Variants in SKAP1 observed in about 807,000 individuals in gnomAD.
SKAP1 encodes the protein src kinase associated phosphoprotein 1.
A neutral mutation model predicts 58.5 loss-of-function variants in SKAP1; 44 were observed. The observed-to-expected ratio is 0.75, with a 90% confidence interval of 0.59 to 0.97. The LOEUF is 0.97. SKAP1 is among the 50% of genes least tolerant of loss of function. The pLI is 0.00. For missense variants in SKAP1, 390 were observed against 435.2 expected (o/e 0.90, Z 0.92); for synonymous variants, 127 against 149.7 (o/e 0.85, Z 1.11).
At chr17:48,324,364 G>A (rs187086150) in intron 4 of SKAP1, among the ~76,000 whole-genome samples, 1 of 152,092 alleles carries the variant, frequency 6.6e-6, no homozygotes, top group East Asian at 1.9e-4. Context: ...AGACATTTAG[G>A]TTGTTTCTAA....
intron 11 of SKAP1, among the ~76,000 whole-genome samples, chr17:48,150,349 G>T (rs540989893): frequency 1.3e-5 from 2 of 152,284 alleles, no homozygotes; most frequent in Admixed American, 6.5e-5. Flanking sequence ...CAGAAAGAAT[G>T]AAAATAATAA....
chr17:48,158,580 A>AAAAAAAG (rs2064022630), intron 11 of SKAP1, among the ~76,000 whole-genome samples: 4 of 149,390 alleles, frequency 2.7e-5, no homozygotes, highest in African/African-American at 7.3e-5. Context: ...AAAAAAAAAA[A>AAAAAAAG]AAAAGAAAAA....
At chr17:48,253,124 C>T (rs1211313387) in intron 4 of SKAP1, among the ~76,000 whole-genome samples, 1 of 152,078 alleles carries the variant, frequency 6.6e-6, no homozygotes, top group Non-Finnish European at 1.5e-5. Context: ...GTGAGCCATC[C>T]TAGCTCTTAC....
chr17:48,291,243 TACTAAAGCCC>T (rs2065893584), intron 4 of SKAP1, among the ~76,000 whole-genome samples: 1 of 152,190 alleles, frequency 6.6e-6, no homozygotes, highest in South Asian at 2.1e-4. Context: ...AAATAGTAAT[TACTAAAGCCC>T]ACTTCACTGA....
intron 4 of SKAP1, among the ~76,000 whole-genome samples, chr17:48,296,660 G>C (rs751962984): frequency 6.6e-6 from 1 of 152,130 alleles, no homozygotes; most frequent in East Asian, 1.9e-4. Flanking sequence ...TGTGAGGAAA[G>C]ATTTACGTGA....
At chr17:48,302,639 C>T (rs2066075851) in intron 4 of SKAP1, among the ~76,000 whole-genome samples, 1 of 152,212 alleles carries the variant, frequency 6.6e-6, no homozygotes, top group Non-Finnish European at 1.5e-5. Context: ...TCAATACTAG[C>T]TTACTATAGT....
intron 2 of SKAP1, among the ~76,000 whole-genome samples, chr17:48,375,588 C>T (rs35403206): frequency 0.029 from 4,465 of 152,238 alleles, 240 homozygotes; most frequent in African/African-American, 0.1. Flanking sequence ...AGCATGAGGA[C>T]TGTTTTTTCA....
At chr17:48,417,151 T>C (rs1367890411) in intron 1 of SKAP1, among the ~76,000 whole-genome samples, 1 of 152,194 alleles carries the variant, frequency 6.6e-6, no homozygotes, top group African/African-American at 2.4e-5. Context: ...TTGCAGGAAG[T>C]TGTCAGCATT....
the SKAP1 span, among the ~76,000 whole-genome samples, chr17:48,442,426 G>A: frequency 6.6e-6 from 1 of 152,108 alleles, no homozygotes; most frequent in African/African-American, 2.4e-5. Context: ...CTGAGCCCTT[G>A]AAAATCAGGG....
At chr17:48,444,864 A>C in the SKAP1 span, among the ~76,000 whole-genome samples, 1 of 152,164 alleles carries the variant, frequency 6.6e-6, no homozygotes, top group Non-Finnish European at 1.5e-5. Flanking sequence ...TGGGACCCAT[A>C]ATCATGCATG....
chr17:48,381,095 C>T (rs925258322), intron 2 of SKAP1, among the ~76,000 whole-genome samples: 1 of 152,102 alleles, frequency 6.6e-6, no homozygotes, highest in African/African-American at 2.4e-5. Context: ...CATAGGCAAC[C>T]TTTGACATTC....
chr17:48,164,548 A>G (rs1394106497), intron 10 of SKAP1, among the ~76,000 whole-genome samples: 1 of 152,238 alleles, frequency 6.6e-6, no homozygotes, highest in Non-Finnish European at 1.5e-5. Context: ...ACATCTGGAA[A>G]AAGATCTATT....
Position 48,362,293 on chromosome 17 carries a change from C to T in SKAP1, c.178+1496G>A, listed in dbSNP as rs77662234. Among the ~76,000 whole-genome samples the T allele has an allele frequency of 6.6e-3, 1,006 of 152,334 alleles. 8 individuals carry two copies. The highest frequency in any genetic ancestry group is 0.021 in the African/African-American group (893 of 41,572). On this transcript the variant is annotated intron_variant, in intron 3 of 12. Transcript: ENST00000336915. ...TGTCTTTTTTAGTCCCATATAGTCT[C>T]TTGTGTTAAGCTCCAAAATTATTTT...
chr17:48,375,706 AT>A (rs138687288), intron 2 of SKAP1, among the ~76,000 whole-genome samples: 74 of 152,368 alleles, frequency 4.9e-4, no homozygotes, highest in African/African-American at 1.6e-3. Flanking sequence ...AGCCAAATAC[AT>A]TATGGCAAAA....
intron 1 of SKAP1, among the ~76,000 whole-genome samples, chr17:48,405,450 T>TTTCTTTCTTTCC (rs1441641292): frequency 7.2e-4 from 68 of 94,052 alleles, no homozygotes; most frequent in African/African-American, 2.6e-3. Context: ...TCTTTCTTTC[T>TTTCTTTCTTTCC]TTTCTTTCTT....
Position 48,323,996 on chromosome 17 carries a change from TAACACTC to T in SKAP1, c.280+21902_280+21908del. ...TGGATTCTCATGTATTCTGAGCTGT[TAACACTC>T]AACACTTATTTAATGTCACAACTTC... On this transcript the variant is annotated intron_variant, in intron 4 of 12. Transcript: ENST00000336915. Among the ~76,000 whole-genome samples the T allele has an allele frequency of 3.3e-5, 5 of 152,248 alleles. No individual in the cohort carries two copies. In the East Asian group the frequency reaches 9.6e-4, roughly 29 times the overall value.
intron 4 of SKAP1, among the ~76,000 whole-genome samples, chr17:48,235,659 T>C (rs548179396): frequency 6.6e-6 from 1 of 152,312 alleles, no homozygotes; most frequent in South Asian, 2.1e-4. Context: ...AATCTTTCAG[T>C]AGTGCAGCAA....
chr17:48,400,501 G>T (rs536195603), intron 1 of SKAP1, among the ~76,000 whole-genome samples: 6 of 152,074 alleles, frequency 3.9e-5, no homozygotes, highest in African/African-American at 1.4e-4. Context: ...TCCATGCTTG[G>T]GATTATTCTC....
At chr17:48,349,250 A>G (rs1305881589) in intron 3 of SKAP1, among the ~76,000 whole-genome samples, 1 of 152,224 alleles carries the variant, frequency 6.6e-6, no homozygotes, top group African/African-American at 2.4e-5. Context: ...GGATTTGTCT[A>G]TAGCTCTGAC....
Sources: allele counts gnomAD v4.1 joint callset (sites outside exome capture counted in the v4.1 genomes callset), GRCh38; gene constraint gnomAD v4.1.1; transcripts MANE v1.5; gene names NCBI Gene and HGNC (gene_info 2026-07-23, HGNC 2026-07-21).